Variants in PRDM1 observed in about 807,000 individuals in gnomAD.
PRDM1 encodes the protein PR/SET domain 1.
PRDM1 carries 13 observed loss-of-function variants against 62.8 expected under a neutral mutation model. The ratio of observed to expected loss-of-function variants is 0.21; its 90% confidence interval spans 0.13 to 0.33. The LOEUF (loss-of-function observed/expected upper bound fraction) is 0.33. Ranked by LOEUF, PRDM1 falls within the 10% of genes least tolerant of loss-of-function variation. PRDM1 has a pLI of 1.00. For synonymous variants in PRDM1, 396 were observed against 417.6 expected (o/e 0.95, Z 0.63); for missense variants, 895 against 1,058.8 (o/e 0.85, Z 2.15).
chr6:106,016,649 C>CTT lies in PRDM1; in HGVS notation c.-67+23026_-67+23027dup, dbSNP rs71006665. Reference sequence around the variant, plus strand: ...TATGCACAGATTTTTTCTTTTCTCTCTTTTTTTTTTTTTTTTTGAGACAAA... The same window carrying CTT: ...TATGCACAGATTTTTTCTTTTCTCTCTTTTTTTTTTTTTTTTTTTGAGACAAA... On this transcript the variant is annotated intron_variant, in intron 1 of 6. Coordinates refer to the PRDM1 transcript ENST00000652320. Among the ~76,000 whole-genome samples the CTT allele has an allele frequency of 8.6e-3, 1,172 of 135,738 alleles. 22 individuals are homozygous for CTT. The highest frequency in any genetic ancestry group is 0.023 in the South Asian group (100 of 4,394). The allele number at this position is 135,738 out of a possible 152,430, so 89.0% of individuals were successfully genotyped here. A position where few individuals can be genotyped will look rare whatever the true frequency, so the allele number is the denominator to read the frequency against.
intron 4 of PRDM1, among the ~76,000 whole-genome samples, chr6:106,103,136 C>CT (rs1398234951): frequency 1.3e-5 from 2 of 152,140 alleles, no homozygotes; most frequent in East Asian, 3.9e-4. Context: ...ACGGCCCCCC[C>CT]GTCAGCATCT....
At chr6:106,056,799 C>G (rs1773273510) in intron 1 of PRDM1, among the ~76,000 whole-genome samples, 1 of 152,164 alleles carries the variant, frequency 6.6e-6, no homozygotes, top group African/African-American at 2.4e-5. Context: ...CTTAACCCTT[C>G]CTTCAGAACA....
intron 3 of PRDM1, among the ~76,000 whole-genome samples, chr6:106,096,761 A>G (rs1252061662): frequency 6.6e-6 from 1 of 152,232 alleles, no homozygotes; most frequent in Non-Finnish European, 1.5e-5. Flanking sequence ...ACACTGGATT[A>G]GCAGTGAACA....
At chr6:106,091,513 C>T (rs1773960286) in intron 2 of PRDM1, among the ~76,000 whole-genome samples, 1 of 152,104 alleles carries the variant, frequency 6.6e-6, no homozygotes, top group Admixed American at 6.6e-5. Flanking sequence ...GGCGCGGTGG[C>T]TCACGCCTGT....
At chr6:106,092,691 T>C (rs1213725531) in intron 2 of PRDM1, among the ~76,000 whole-genome samples, 1 of 152,190 alleles carries the variant, frequency 6.6e-6, no homozygotes, top group Non-Finnish European at 1.5e-5. Context: ...TACTTGGTTT[T>C]TTCACTTCCC....
At chr6:105,996,295 A>C (rs1434744998) in intron 1 of PRDM1, among the ~76,000 whole-genome samples, 1 of 152,184 alleles carries the variant, frequency 6.6e-6, no homozygotes, top group Non-Finnish European at 1.5e-5. Flanking sequence ...TATAATTGTC[A>C]GATAAATGTG....
At chr6:105,997,037 TG>T (rs1450723242) in intron 1 of PRDM1, among the ~76,000 whole-genome samples, 1 of 152,240 alleles carries the variant, frequency 6.6e-6, no homozygotes, top group Non-Finnish European at 1.5e-5. Context: ...GACAGGCTGC[TG>T]GAATTCTGAG....
intron 1 of PRDM1, among the ~76,000 whole-genome samples, chr6:106,065,238 T>A (rs1395884535): frequency 6.6e-6 from 1 of 152,120 alleles, no homozygotes; most frequent in Non-Finnish European, 1.5e-5. Flanking sequence ...GCTCAAGCAA[T>A]CCTCCTGCCT....
chr6:106,025,919 T>G (rs1772757699), intron 1 of PRDM1, among the ~76,000 whole-genome samples: 1 of 152,178 alleles, frequency 6.6e-6, no homozygotes, highest in Non-Finnish European at 1.5e-5. Context: ...GAAACAGACC[T>G]CATGCATTTC....
At chr6:106,097,766 G>A (rs12207820) in intron 3 of PRDM1, among the ~76,000 whole-genome samples, 1 of 152,192 alleles carries the variant, frequency 6.6e-6, no homozygotes, top group African/African-American at 2.4e-5. Context: ...CATACCCGTA[G>A]CTTTAGAAAG....
intron 1 of PRDM1, among the ~76,000 whole-genome samples, chr6:106,067,896 T>TA (rs1253631843): frequency 1.3e-5 from 2 of 152,200 alleles, no homozygotes; most frequent in African/African-American, 2.4e-5. Flanking sequence ...TAAACCACAA[T>TA]AAAAAAATGT....
At chr6:106,102,454 A>C (rs1774300112) in intron 4 of PRDM1, among the ~76,000 whole-genome samples, 1 of 152,230 alleles carries the variant, frequency 6.6e-6, no homozygotes. Flanking sequence ...ATAAGATGCA[A>C]ATCTATTTTT....
intron 1 of PRDM1, among the ~76,000 whole-genome samples, chr6:106,051,407 G>A (rs1773172225): frequency 6.6e-6 from 1 of 152,198 alleles, no homozygotes; most frequent in African/African-American, 2.4e-5. Flanking sequence ...CTCACAGCAG[G>A]AGGGCTTTCA....
chr6:106,108,286 C>G lies in PRDM1; in HGVS notation c.*800C>G, dbSNP rs1284149294. On this transcript the variant is annotated 3_prime_UTR_variant, in exon 7 of 7. Transcript: ENST00000369096. ...TGACAGGAAGGCTTTACCAACCTGT[C>G]TCTCCCTCCAAAAGAGCAGAATCCT... is the stretch of plus-strand genomic sequence containing the variant. The G allele has an allele frequency of 8.6e-6, 2 of 233,640 alleles. No individual in the cohort carries two copies. Among genetic ancestry groups the G allele is most frequent in the Non-Finnish European group, 1.7e-5 (2 of 118,024 alleles). 14.5% of individuals were successfully genotyped at this position (233,640 alleles called of 1,614,324 possible).
intron 1 of PRDM1, among the ~76,000 whole-genome samples, chr6:105,998,663 G>A (rs953282910): frequency 1.3e-5 from 2 of 151,966 alleles, no homozygotes; most frequent in African/African-American, 4.8e-5. Flanking sequence ...CGGGAAGCTA[G>A]TCCACCTAAT....
chr6:106,058,634 G>C (rs573760807), intron 1 of PRDM1, among the ~76,000 whole-genome samples: 1 of 152,036 alleles, frequency 6.6e-6, no homozygotes, highest in Non-Finnish European at 1.5e-5. Context: ...GTGCAGTGGC[G>C]CAATCTCGGC....
rs1273905367 is a variant in PRDM1, at chr6:106,106,718, TAAAC to T, written c.1903-191_1903-188del. ...GTGGGTGGGAAAATGGTAGGGGAAA[TAAAC>T]AGCCCCTCGTGTGCTGTGTGCCCAC... On this transcript the variant is annotated intron_variant, in intron 6 of 6. Transcript: ENST00000369096. This position sits in a 1 kb window ranked among gnomAD's most constrained non-coding sequence, Gnocchi z 4.4. Among the ~76,000 whole-genome samples the T allele has an allele frequency of 6.6e-6, 1 of 152,058 alleles. No individual in the cohort carries two copies. The highest frequency in any genetic ancestry group is 6.5e-5 in the Admixed American group (1 of 15,274).
chr6:106,092,089 G>T (rs146747864), intron 2 of PRDM1, among the ~76,000 whole-genome samples: 1 of 146,164 alleles, frequency 6.8e-6, no homozygotes, highest in African/African-American at 2.6e-5. Context: ...TCAAACCCAC[G>T]CTGTGTGTGT....
chr6:106,008,811 C>A (rs1420725921), intron 1 of PRDM1, among the ~76,000 whole-genome samples: 1 of 152,204 alleles, frequency 6.6e-6, no homozygotes, highest in African/African-American at 2.4e-5. Context: ...CTGGCCATTG[C>A]CTGTACTGCC....
Sources: allele counts gnomAD v4.1 joint callset (sites outside exome capture counted in the v4.1 genomes callset), GRCh38; gene constraint gnomAD v4.1.1; non-coding constraint Gnocchi (gnomAD v3.1); transcripts MANE v1.5; gene names NCBI Gene and HGNC (gene_info 2026-07-23, HGNC 2026-07-21).